Variants in SRP68 observed in about 807,000 individuals in gnomAD.
The protein encoded by SRP68 is signal recognition particle subunit SRP68.
A neutral mutation model predicts 82.2 loss-of-function variants in SRP68; 15 were observed. The observed-to-expected ratio is 0.18, with a 90% CI of 0.12 to 0.28. The LOEUF (loss-of-function observed/expected upper bound fraction) is 0.28. Among genes scored for constraint, SRP68 ranks in the 10% least tolerant of loss-of-function variants. The probability of loss-of-function intolerance (pLI) is 1.00; values close to 1 mark genes in which losing one functional copy is unlikely to be tolerated. For synonymous variants in SRP68, 261 were observed against 292.6 expected, an observed-to-expected ratio of 0.89 and a Z score of 1.10; for missense variants, 595 against 780.5, an observed-to-expected ratio of 0.76 and a Z score of 2.83.
Position 76,058,433 on chromosome 17 carries a change from T to C in SRP68, c.838-890A>G, listed in dbSNP as rs984655661. ...ACTGTGCCCAGCCTCTGAAAAAAATTTTTTTTGTAGAGGTGGGGTCTCACT... is the reference window on the plus strand; with the variant it reads ...ACTGTGCCCAGCCTCTGAAAAAAATCTTTTTTGTAGAGGTGGGGTCTCACT... On this transcript the variant is annotated intron_variant, in intron 7 of 15. Transcript: ENST00000307877. Among the ~76,000 whole-genome samples, 5 of 152,072 alleles carry C rather than the reference T, an allele frequency of 3.3e-5. No homozygotes were observed. The South Asian group carries it at 1.0e-3, about 32-fold the overall frequency.
At chr17:76,050,382 C>T in intron 9 of SRP68, 46 bp downstream of exon 9, 1 of 1,414,492 alleles carries the variant, frequency 7.1e-7, no homozygotes, top group Non-Finnish European at 1.0e-6. Context: ...ACAGGCTGAC[C>T]TGGACCCGCC....
intron 2 of SRP68, among the ~76,000 whole-genome samples, chr17:76,068,173 C>T (rs1262580972): frequency 6.6e-6 from 1 of 152,098 alleles, no homozygotes. Flanking sequence ...TGCCTGTAAT[C>T]CCAGCCTACT....
At chr17:76,067,682 C>A (rs188417779) in intron 2 of SRP68, among the ~76,000 whole-genome samples, 82 of 152,236 alleles carry the variant, frequency 5.4e-4, no homozygotes, top group African/African-American at 1.9e-3. Flanking sequence ...CCAGGCTGGT[C>A]TCGAAATCCT....
At chr17:76,055,043 G>A (rs1230126711) in intron 8 of SRP68, among the ~76,000 whole-genome samples, 3 of 150,786 alleles carry the variant, frequency 2.0e-5, no homozygotes, top group East Asian at 2.0e-4. Context: ...TGCAACCTCC[G>A]CCTCCCGGGT....
At chr17:76,058,031 G>A (rs532212070) in intron 7 of SRP68, among the ~76,000 whole-genome samples, 1 of 152,020 alleles carries the variant, frequency 6.6e-6, no homozygotes, top group East Asian at 1.9e-4. Context: ...GGAGTGCAGT[G>A]GCCTAATGAC....
intron 8 of SRP68, 110 bp from the exon 9 acceptor site, chr17:76,050,636 C>T (rs1220805595): frequency 1.2e-5 from 8 of 688,058 alleles, no homozygotes; most frequent in South Asian, 4.7e-5. Context: ...CACTCACTCA[C>T]GCACGCCACA....
At chr17:76,048,565 G>A (rs2066648411) in intron 9 of SRP68, 2 of 152,288 alleles carry the variant, frequency 1.3e-5, no homozygotes, top group Non-Finnish European at 2.9e-5. Context: ...GAGGGGAGAG[G>A]AGCTGATCGC....
intron 7 of SRP68, among the ~76,000 whole-genome samples, chr17:76,059,256 ATAAG>A (rs1251918756): frequency 6.6e-6 from 1 of 152,114 alleles, no homozygotes; most frequent in African/African-American, 2.4e-5. Context: ...AAAAATAATA[ATAAG>A]TAAGCCGGGC....
intron 4 of SRP68, among the ~76,000 whole-genome samples, chr17:76,062,738 T>TATATATATATATATATATATATATAAA (rs2066773862): frequency 4.6e-5 from 1 of 21,722 alleles, no homozygotes; most frequent in Admixed American, 1.2e-3. Flanking sequence ...TTTATATATA[T>TATATATATATATATATATATATATAAA]ATATATATAT....
intron 7 of SRP68, among the ~76,000 whole-genome samples, chr17:76,059,415 G>A (rs539619272): frequency 1.3e-3 from 191 of 152,162 alleles, no homozygotes; most frequent in African/African-American, 4.4e-3. Context: ...GGTGGCGGGC[G>A]CCTGTAATCC....
At chr17:76,042,657 T>C (rs543975655) in intron 13 of SRP68, among the ~76,000 whole-genome samples, 1 of 152,240 alleles carries the variant, frequency 6.6e-6, no homozygotes, top group East Asian at 1.9e-4. Flanking sequence ...TGATCTTGGC[T>C]CACTGCAACC....
chr17:76,063,892 T>A, intron 4 of SRP68, 84 bp downstream of exon 4: 3 of 1,277,284 alleles, frequency 2.3e-6, no homozygotes, highest in Middle Eastern at 2.0e-4. Flanking sequence ...TTTCTAACAC[T>A]AAGAAACTCT....
chr17:76,050,056 T>C (rs1437308169), intron 9 of SRP68, among the ~76,000 whole-genome samples: 1 of 152,112 alleles, frequency 6.6e-6, no homozygotes, highest in Non-Finnish European at 1.5e-5. Flanking sequence ...AAGGTGGGTT[T>C]GGTGACAGGG....
chr17:76,072,061 AC>A lies in SRP68; in HGVS notation c.184+246del. The A allele has an allele frequency of 1.5e-6, 1 of 671,030 alleles. No homozygotes were observed. Among genetic ancestry groups the A allele is most frequent in the South Asian group, 2.0e-5 (1 of 50,578 alleles). 41.6% of individuals were successfully genotyped at this position (671,030 alleles called of 1,614,324 possible). A position where few individuals can be genotyped will look rare whatever the true frequency, so the allele number is the denominator to read the frequency against. On this transcript the variant is annotated intron_variant, in intron 1 of 15. Transcript: ENST00000307877. The surrounding 1 kb of genome is among the most constrained non-coding windows in gnomAD (Gnocchi z 4.5). ...GGACAACTGCGGGGCACCAGGGGAA[AC>A]CTGCCTGATATCCCAGTGCCACTGG...
chr17:76,047,117 C>T (rs946164722), intron 10 of SRP68, among the ~76,000 whole-genome samples: 3 of 152,086 alleles, frequency 2.0e-5, no homozygotes, highest in East Asian at 1.9e-4. Flanking sequence ...GTTGTGTTCT[C>T]GTTTTTGTTT....
At chr17:76,063,945 C>T in intron 4 of SRP68, 31 bp downstream of exon 4, 1 of 1,577,092 alleles carries the variant, frequency 6.3e-7, no homozygotes, top group African/African-American at 1.4e-5. Flanking sequence ...TTAATCTCCA[C>T]AATAAACAAG....
chr17:76,050,608 T>C (rs1226464659), intron 8 of SRP68, 82 bp from the exon 9 acceptor site: 7 of 906,506 alleles, frequency 7.7e-6, no homozygotes, highest in African/African-American at 1.6e-5. Flanking sequence ...AAATCGCACA[T>C]GGAGTCCCCC....
At chr17:76,069,125 C>T (rs545261722) in intron 2 of SRP68, among the ~76,000 whole-genome samples, 4 of 151,990 alleles carry the variant, frequency 2.6e-5, no homozygotes, top group African/African-American at 9.6e-5. Flanking sequence ...TGGTGGTTCA[C>T]GCCTGTAATC....
At chr17:76,049,308 CTGTGGGCTAGGATGG>C (rs2066654496) in intron 9 of SRP68, 1 of 152,152 alleles carries the variant, frequency 6.6e-6, no homozygotes, top group South Asian at 2.1e-4. Context: ...GCAGAGATCT[CTGTGGGCTAGGATGG>C]TGCAGGCATA....
Sources: gnomAD v4.1 joint callset for allele counts (sites outside exome capture counted in the v4.1 genomes callset) on GRCh38, gnomAD v4.1.1 for gene constraint, Gnocchi (gnomAD v3.1) non-coding constraint, MANE v1.5 for transcripts, NCBI Gene and HGNC (gene_info 2026-07-23, HGNC 2026-07-21) for gene names.